CNTN5: variants seen among roughly 807,000 people sequenced by gnomAD.
The protein encoded by CNTN5 is contactin-5.
In CNTN5, 77 loss-of-function variants were observed where a neutral mutation model predicts 129.1. The observed-to-expected ratio is 0.60, with a 90% CI of 0.50 to 0.72. The LOEUF is 0.72. Among genes scored for constraint, CNTN5 ranks in the 30% least tolerant of loss-of-function variants. The pLI is 0.00. For missense variants in CNTN5, 1,478 were observed against 1,328.8 expected (o/e 1.11, Z -1.75); for synonymous variants, 509 against 465.6 (o/e 1.09, Z -1.20).
chr11:99,575,568 G>A (rs190696347), intron 3 of CNTN5, among the ~76,000 whole-genome samples: 14 of 152,296 alleles, frequency 9.2e-5, no homozygotes, highest in East Asian at 3.9e-4. Flanking sequence ...ACATGGCAGC[G>A]TAAGAGCATA....
chr11:99,321,314 G>A (rs768257024), intron 1 of CNTN5, among the ~76,000 whole-genome samples: 92 of 150,038 alleles, frequency 6.1e-4, no homozygotes, highest in Middle Eastern at 7.1e-3. Flanking sequence ...ATACAGAAAG[G>A]AGATTTTATA....
intron 2 of CNTN5, among the ~76,000 whole-genome samples, chr11:99,511,935 T>A (rs1422645605): frequency 6.6e-6 from 1 of 152,080 alleles, no homozygotes; most frequent in African/African-American, 2.4e-5. Flanking sequence ...CTCAATGTTA[T>A]GAGTCAAAAA....
At chr11:99,024,036 C>T (rs1863002980) in intron 1 of CNTN5, among the ~76,000 whole-genome samples, 1 of 152,166 alleles carries the variant, frequency 6.6e-6, no homozygotes, top group Admixed American at 6.5e-5. Context: ...TGGTCGGAAG[C>T]TCAAAGCGGT....
At chr11:99,697,915 C>G (rs1437242670) in intron 3 of CNTN5, among the ~76,000 whole-genome samples, 1 of 151,656 alleles carries the variant, frequency 6.6e-6, no homozygotes, top group Non-Finnish European at 1.5e-5. Flanking sequence ...TCCTTCCTTA[C>G]TAGCTTAGTA....
At position 99,388,414 on chromosome 11, in the gene CNTN5, C is replaced by CAA. The variant is rs10652309; in HGVS notation, c.-71+62946_-71+62947dup. Among the ~76,000 whole-genome samples, 605 of 121,820 alleles carry CAA rather than the reference C, an allele frequency of 5.0e-3. 21 individuals are homozygous for CAA. Among genetic ancestry groups the CAA allele is most frequent in the African/African-American group, 0.013 (406 of 31,048 alleles). The allele number at this position is 121,820 out of a possible 152,430, so 79.9% of individuals were successfully genotyped here. A position where few individuals can be genotyped will look rare whatever the true frequency, so the allele number is the denominator to read the frequency against. On this transcript the variant is annotated intron_variant, in intron 2 of 24. Transcript: ENST00000524871. ...TGGGTGACAGAGCAAAACCCGGTCT[C>CAA]AAAAAAAAAAAAAAAAACATGTTTT...
At chr11:99,454,298 C>T (rs1457991324) in intron 2 of CNTN5, among the ~76,000 whole-genome samples, 2 of 152,130 alleles carry the variant, frequency 1.3e-5, no homozygotes, top group Non-Finnish European at 2.9e-5. Context: ...TGTGTTCCCA[C>T]CCAAATCTTA....
chr11:100,032,054 TC>T (rs1328574835), intron 9 of CNTN5, among the ~76,000 whole-genome samples: 3 of 152,126 alleles, frequency 2.0e-5, no homozygotes, highest in Admixed American at 6.5e-5. Flanking sequence ...GCTGGCCAGA[TC>T]CCACAATAAA....
intron 4 of CNTN5, among the ~76,000 whole-genome samples, chr11:99,823,228 T>G (rs553894628): frequency 6.6e-6 from 1 of 152,342 alleles, no homozygotes; most frequent in East Asian, 1.9e-4. Flanking sequence ...TGGGTTTCCT[T>G]TCTACTATTT....
intron 13 of CNTN5, among the ~76,000 whole-genome samples, chr11:100,111,126 C>A (rs1945645686): frequency 3.9e-5 from 6 of 151,958 alleles, no homozygotes; most frequent in Admixed American, 3.9e-4. Context: ...TAAGGTAGAA[C>A]CTGTTCATAT....
chr11:99,059,149 A>G (rs1864766905), intron 1 of CNTN5, among the ~76,000 whole-genome samples: 1 of 144,112 alleles, frequency 6.9e-6, no homozygotes, highest in Admixed American at 7.4e-5. Context: ...TATACTGGTC[A>G]TTGGTTTTAA....
intron 3 of CNTN5, among the ~76,000 whole-genome samples, chr11:99,677,469 G>A (rs983525993): frequency 1.3e-5 from 2 of 152,112 alleles, no homozygotes; most frequent in African/African-American, 4.8e-5. Context: ...CAAGTTTACA[G>A]CATTTATCTC....
chr11:99,652,039 C>T (rs1359240029), intron 3 of CNTN5, among the ~76,000 whole-genome samples: 1 of 152,054 alleles, frequency 6.6e-6, no homozygotes, highest in African/African-American at 2.4e-5. Context: ...TCAGAATCTC[C>T]AGCGTGGATT....
At chr11:99,442,547 A>T (rs1943879355) in intron 2 of CNTN5, among the ~76,000 whole-genome samples, 1 of 152,122 alleles carries the variant, frequency 6.6e-6, no homozygotes, top group Non-Finnish European at 1.5e-5. Flanking sequence ...ACAGAGCTCT[A>T]GTGTTTTTCT....
chr11:99,100,107 C>CA (rs1186926272), intron 1 of CNTN5, among the ~76,000 whole-genome samples: 4 of 151,810 alleles, frequency 2.6e-5, no homozygotes, highest in African/African-American at 9.7e-5. Context: ...AGTAATGACC[C>CA]AAAAAACAAT....
At chr11:100,157,503 A>AATCT (rs1274229698) in intron 13 of CNTN5, among the ~76,000 whole-genome samples, 1 of 148,070 alleles carries the variant, frequency 6.8e-6, no homozygotes, top group Non-Finnish European at 1.5e-5. Flanking sequence ...TGAAAAACTC[A>AATCT]ATCTTGTAAA....
chr11:100,040,503 G>C (rs1285152492), intron 9 of CNTN5, among the ~76,000 whole-genome samples: 1 of 152,194 alleles, frequency 6.6e-6, no homozygotes. Context: ...AGCTGTCAGA[G>C]AAGTACATTT....
intron 8 of CNTN5, among the ~76,000 whole-genome samples, chr11:99,960,834 A>G (rs1382362159): frequency 6.6e-6 from 1 of 152,134 alleles, no homozygotes. Flanking sequence ...TCTACATTAC[A>G]TTAGGAGGGT....
chr11:99,761,165 T>C (rs1256351893), intron 3 of CNTN5, among the ~76,000 whole-genome samples: 1 of 152,122 alleles, frequency 6.6e-6, no homozygotes, highest in Non-Finnish European at 1.5e-5. Context: ...GTAGTAATTA[T>C]TATTTTAAGG....
chr11:99,028,118 TAAG>T (rs1299343973), intron 1 of CNTN5, among the ~76,000 whole-genome samples: 1 of 151,820 alleles, frequency 6.6e-6, no homozygotes, highest in South Asian at 2.1e-4. Context: ...GTAATCTTAG[TAAG>T]AAGGAGTAGT....
Sources: allele counts gnomAD v4.1 joint callset (sites outside exome capture counted in the v4.1 genomes callset), GRCh38; gene constraint gnomAD v4.1.1; transcripts MANE v1.5; gene names NCBI Gene and HGNC (gene_info 2026-07-23, HGNC 2026-07-21).